TIMP3: variants seen among roughly 807,000 people sequenced by gnomAD.
TIMP3 encodes metalloproteinase inhibitor 3.
TIMP3 carries 11 observed loss-of-function variants against 30.0 expected under a neutral mutation model. That is an observed-to-expected ratio of 0.37 (90% CI 0.23 to 0.61). The LOEUF (loss-of-function observed/expected upper bound fraction) is 0.61, where lower values mean the gene tolerates loss of function less well. Ranked by LOEUF, TIMP3 falls within the 20% of genes least tolerant of loss-of-function variation. TIMP3 has a pLI of 0.70. For missense variants in TIMP3, 181 were observed against 276.8 expected, an observed-to-expected ratio of 0.65 and a Z score of 2.45; for synonymous variants, 112 against 111.3, an observed-to-expected ratio of 1.01 and a Z score of -0.04.
Position 32,857,095 on chromosome 22 carries a change from A to G in TIMP3, c.205-154A>G, listed in dbSNP as rs148733511. 4.7e-4 allele frequency among the ~76,000 whole-genome samples: 71 copies of G among 152,284 alleles called. 2 individuals carry two copies. The East Asian group carries it at 8.5e-3, about 18-fold the overall frequency. ...CTTAGGTTGATTTCATATCTTGGCT[A>G]TTGTGAATATTGCTGCAGTCAACAT... On this transcript the variant is annotated intron_variant, in intron 2 of 4. Transcript: ENST00000266085.
At chr22:32,857,877 T>C in intron 3 of TIMP3, 140 bp from the exon 4 acceptor site, 1 of 1,270,370 alleles carries the variant, frequency 7.9e-7, no homozygotes, top group Admixed American at 1.7e-5. Context: ...AGGTGTTGGG[T>C]AGGGTGAAAT....
At chr22:32,813,837 C>A (rs942769446) in intron 1 of TIMP3, among the ~76,000 whole-genome samples, 15 of 152,094 alleles carry the variant, frequency 9.9e-5, no homozygotes, top group Non-Finnish European at 1.9e-4. Context: ...ATGGAGTATG[C>A]AATAATAGTA....
At chr22:32,831,442 C>T (rs569642920) in intron 1 of TIMP3, among the ~76,000 whole-genome samples, 1 of 152,094 alleles carries the variant, frequency 6.6e-6, no homozygotes, top group Admixed American at 6.6e-5. Context: ...GCCAGATGAT[C>T]AGGGCAGCGG....
At chr22:32,855,069 G>A (rs2048326973) in intron 2 of TIMP3, among the ~76,000 whole-genome samples, 1 of 152,208 alleles carries the variant, frequency 6.6e-6, no homozygotes, top group Non-Finnish European at 1.5e-5. Context: ...CAAATGCCAG[G>A]AAGTAAAGTA....
chr22:32,840,758 C>T (rs987735378), intron 1 of TIMP3, among the ~76,000 whole-genome samples: 4 of 152,168 alleles, frequency 2.6e-5, no homozygotes, highest in Admixed American at 2.0e-4. Flanking sequence ...ATCTCCAGGG[C>T]GATTCCCTGA....
At chr22:32,814,888 A>T (rs1046085980) in intron 1 of TIMP3, among the ~76,000 whole-genome samples, 2 of 152,182 alleles carry the variant, frequency 1.3e-5, no homozygotes, top group African/African-American at 4.8e-5. Flanking sequence ...AGTCATGTTT[A>T]AAAAAACGAG....
intron 1 of TIMP3, among the ~76,000 whole-genome samples, chr22:32,836,939 G>T (rs1379177523): frequency 6.6e-6 from 1 of 152,170 alleles, no homozygotes; most frequent in Admixed American, 6.5e-5. Context: ...CCCACTCCTG[G>T]TGCATTCTGG....
chr22:32,833,223 C>A (rs1421667545), intron 1 of TIMP3, among the ~76,000 whole-genome samples: 1 of 152,068 alleles, frequency 6.6e-6, no homozygotes, highest in African/African-American at 2.4e-5. Flanking sequence ...GAGTCATTGG[C>A]CCCCAGCAAG....
intron 1 of TIMP3, among the ~76,000 whole-genome samples, chr22:32,802,587 C>A (rs2046619616): frequency 6.6e-6 from 1 of 152,068 alleles, no homozygotes; most frequent in Non-Finnish European, 1.5e-5. Context: ...GAGTCTGCAT[C>A]ATCTCCTGCG....
At chr22:32,814,181 AAAAGAAAGAAAG>A (rs148074968) in intron 1 of TIMP3, among the ~76,000 whole-genome samples, 6 of 109,750 alleles carry the variant, frequency 5.5e-5, no homozygotes, top group Non-Finnish European at 8.7e-5. Flanking sequence ...AGAAAGAAAG[AAAAGAAAGAAAG>A]AAAGAAAGAA....
At chr22:32,853,040 T>C (rs962977499) in intron 2 of TIMP3, among the ~76,000 whole-genome samples, 14 of 152,228 alleles carry the variant, frequency 9.2e-5, no homozygotes, top group African/African-American at 3.4e-4. Context: ...GTGCTTTGCA[T>C]GTCCTGACTG....
intron 2 of TIMP3, among the ~76,000 whole-genome samples, chr22:32,854,909 G>C (rs934382168): frequency 6.6e-6 from 1 of 152,182 alleles, no homozygotes; most frequent in Non-Finnish European, 1.5e-5. Context: ...GTTATGCTAT[G>C]AAGGTCTTGT....
chr22:32,809,529 T>G (rs1020632506), intron 1 of TIMP3, among the ~76,000 whole-genome samples: 2 of 152,074 alleles, frequency 1.3e-5, no homozygotes, highest in Non-Finnish European at 2.9e-5. Context: ...TTCAACACTA[T>G]GGAATTTTTT....
rs2047762723 is a variant in TIMP3 at position 32,837,337 on chromosome 22, C to T, written c.122-12115C>T. On this transcript the variant is annotated intron_variant, in intron 1 of 4. Transcript: ENST00000266085. This position sits in a 1 kb window ranked among gnomAD's most constrained non-coding sequence, Gnocchi z 4.1. ...CTCAGGGGATAGGGGGTGGTCTCAG[C>T]CCCCCTCACCGAGTGCACTTGCATG... Among the ~76,000 whole-genome samples the T allele has an allele frequency of 1.3e-5, 2 of 152,156 alleles. No homozygotes were observed. The highest frequency in any genetic ancestry group is 4.8e-5 in the African/African-American group (2 of 41,434).
chr22:32,855,995 G>C (rs1667147517), intron 2 of TIMP3, among the ~76,000 whole-genome samples: 1 of 152,318 alleles, frequency 6.6e-6, no homozygotes. Flanking sequence ...CAGACGCTCA[G>C]AAGAATAAAA....
At chr22:32,814,878 A>G (rs1461963274) in intron 1 of TIMP3, among the ~76,000 whole-genome samples, 1 of 152,214 alleles carries the variant, frequency 6.6e-6, no homozygotes, top group African/African-American at 2.4e-5. Context: ...ATTTTCCCAT[A>G]GTCATGTTTA....
chr22:32,807,349 A>ATTTT (rs2046775036), intron 1 of TIMP3, among the ~76,000 whole-genome samples: 1 of 1,048 alleles, frequency 9.5e-4, no homozygotes, highest in Non-Finnish European at 1.8e-3. Context: ...TAATATATAA[A>ATTTT]TATATAATAT....
chr22:32,804,782 G>A (rs1260951865), intron 1 of TIMP3, among the ~76,000 whole-genome samples: 3 of 152,148 alleles, frequency 2.0e-5, no homozygotes, highest in Non-Finnish European at 2.9e-5. Context: ...ACTACATGCC[G>A]GCTTATAAGA....
chr22:32,839,861 C>T (rs2047842866), intron 1 of TIMP3, among the ~76,000 whole-genome samples: 1 of 152,094 alleles, frequency 6.6e-6, no homozygotes, highest in African/African-American at 2.4e-5. Flanking sequence ...TGTTTCCTTG[C>T]CTCCCCTTCC....
Sources: allele counts gnomAD v4.1 joint callset (sites outside exome capture counted in the v4.1 genomes callset), GRCh38; gene constraint gnomAD v4.1.1; non-coding constraint Gnocchi (gnomAD v3.1); transcripts MANE v1.5; gene names NCBI Gene and HGNC (gene_info 2026-07-23, HGNC 2026-07-21).